Variants in HEATR4 observed in about 807,000 individuals in gnomAD.
The protein encoded by HEATR4 is HEAT repeat containing 4.
In HEATR4, 95 loss-of-function variants were observed where a neutral mutation model predicts 108.8. The observed-to-expected ratio is 0.87, with a 90% CI of 0.74 to 1.04. The LOEUF (loss-of-function observed/expected upper bound fraction) is 1.04, where lower values mean the gene tolerates loss of function less well. Among genes scored for constraint, HEATR4 ranks in the 50% least tolerant of loss-of-function variants. HEATR4 has a pLI of 0.00. For missense variants in HEATR4, 1,152 were observed against 1,253.8 expected, an observed-to-expected ratio of 0.92 and a Z score of 1.23; for synonymous variants, 443 against 459.4, an observed-to-expected ratio of 0.96 and a Z score of 0.46.
chr14:73,587,486 G>GA, the HEATR4 span, among the ~76,000 whole-genome samples: 1 of 151,980 alleles, frequency 6.6e-6, no homozygotes. Flanking sequence ...CCGGGACATT[G>GA]CTGGGACTAC....
In HEATR4 at chr14:73,520,832, CA is replaced by C. The variant is rs1159384411; in HGVS notation, c.1069+19del. ...CCCATGTCCCCGTGTGCCCCTACCA[CA>C]GGGGCCCAGCTCTATTACCAAAGTA... On this transcript the variant is annotated intron_variant, in intron 4 of 17. Transcript: ENST00000553558. 1 of 1,603,862 alleles carries C rather than the reference CA, an allele frequency of 6.2e-7. No individual in the cohort carries two copies. The highest frequency in any genetic ancestry group is 1.7e-5 in the Admixed American group (1 of 59,524).
chr14:73,535,556 C>T (rs1888840774), intron 1 of HEATR4, among the ~76,000 whole-genome samples: 1 of 91,534 alleles, frequency 1.1e-5, no homozygotes, highest in Non-Finnish European at 2.2e-5. Context: ...GCAAGCACTG[C>T]CTCCAGGGTT....
the HEATR4 span, among the ~76,000 whole-genome samples, chr14:73,598,217 CAA>C: frequency 1.3e-4 from 7 of 54,906 alleles, no homozygotes; most frequent in Admixed American, 2.6e-4. Context: ...ACTAAAAATA[CAA>C]AAAAAAAAAA....
At chr14:73,506,779 G>A (rs1463551370) in intron 9 of HEATR4, among the ~76,000 whole-genome samples, 2 of 137,542 alleles carry the variant, frequency 1.5e-5, no homozygotes, top group African/African-American at 2.7e-5. Context: ...CAGAAAACTG[G>A]GACCTTCCTT....
At position 73,504,391 on chromosome 14, in the gene HEATR4, T is replaced by C. The variant is rs1307897769; in HGVS notation, c.1987-1378A>G. Reference sequence around the variant, plus strand: ...CCGAGGAGCTGGGACTACAGGTGCCTGCCACCACACCCGCCTAATTTTTTT... The same window carrying C: ...CCGAGGAGCTGGGACTACAGGTGCCCGCCACCACACCCGCCTAATTTTTTT... On this transcript the variant is annotated intron_variant, in intron 10 of 17. Coordinates refer to ENST00000553558, the MANE Select transcript of HEATR4 (RefSeq NM_001220484.1). Among the ~76,000 whole-genome samples, 11 of 152,168 alleles carry C rather than the reference T, an allele frequency of 7.2e-5. No homozygotes were observed. The East Asian group carries it at 1.2e-3, about 16-fold the overall frequency.
chr14:73,572,554 G>A, the HEATR4 span, among the ~76,000 whole-genome samples: 1 of 150,428 alleles, frequency 6.6e-6, no homozygotes, highest in Non-Finnish European at 1.5e-5. Context: ...AGAGAGGAAA[G>A]GGCACAGGGG....
chr14:73,498,191 T>A lies in HEATR4; in HGVS notation c.2510A>T (p.Asp837Val). The change falls in exon 14 of 18, where the codon GAC (aspartate) becomes GTC (valine). Residue 837 changes from aspartate to valine, a missense_variant. Physicochemically the swap from Asp to Val is radical, Grantham distance 152. Transcript: ENST00000553558. The part of the protein sequence containing the change: ...QGDRVRDTFL[D>V]VLLLENHDAV... ...ATCGTGGTTCTCCAGGAGCAGCACGTCTAGGAAGGTGTCCCTGACCCGGTC... is the reference window on the plus strand; with the variant it reads ...ATCGTGGTTCTCCAGGAGCAGCACGACTAGGAAGGTGTCCCTGACCCGGTC... 1.9e-6 allele frequency: 3 copies of A among 1,613,788 alleles called. No homozygotes were observed. The South Asian group carries it at 3.3e-5, about 18-fold the overall frequency.
chr14:73,550,097 T>A (rs59653209), intron 1 of HEATR4, among the ~76,000 whole-genome samples: 5,303 of 107,854 alleles, frequency 0.049, 415 homozygotes, highest in African/African-American at 0.17. Flanking sequence ...CTCCAGAGTC[T>A]CATAGACCCT....
rs1046276951 is a variant in HEATR4 at position 73,491,516 on chromosome 14, G to A, written c.2844+1550C>T. On this transcript the variant is annotated intron_variant, in intron 17 of 17. Coordinates refer to ENST00000553558, the MANE Select transcript of HEATR4 (RefSeq NM_001220484.1). The stretch of plus-strand genomic sequence containing the variant: ...CCAGTCGTCCGGGGCCCCTGCGACG[G>A]CGTCGGGGCCGCAGGTGGATAACAC... The A allele has an allele frequency of 1.6e-5, 24 of 1,514,542 alleles. No homozygotes were observed. In the African/African-American group the frequency reaches 3.5e-4, roughly 22 times the overall value. 93.8% of individuals were successfully genotyped at this position (1,514,542 alleles called of 1,614,324 possible). A position where few individuals can be genotyped will look rare whatever the true frequency, so the allele number is the denominator to read the frequency against.
chr14:73,591,909 C>G, the HEATR4 span: 1 of 1,343,672 alleles, frequency 7.4e-7, no homozygotes, highest in Non-Finnish European at 9.6e-7. Context: ...TTGCCACGAT[C>G]TTGGACGGGT....
chr14:73,591,883 C>G, the HEATR4 span: 1 of 1,299,510 alleles, frequency 7.7e-7, no homozygotes, highest in Non-Finnish European at 9.9e-7. Flanking sequence ...GGACGCCGTC[C>G]GGACATTCGG....
At chr14:73,587,067 C>A in the HEATR4 span, among the ~76,000 whole-genome samples, 2 of 148,480 alleles carry the variant, frequency 1.3e-5, no homozygotes, top group African/African-American at 5.0e-5. Flanking sequence ...GATATTACCA[C>A]AAAATATTGA....
the HEATR4 span, among the ~76,000 whole-genome samples, chr14:73,632,697 A>C: frequency 6.6e-6 from 1 of 151,848 alleles, no homozygotes; most frequent in Admixed American, 6.6e-5. Flanking sequence ...TACAAAAATT[A>C]GCCAGATGCA....
upstream of HEATR4, among the ~76,000 whole-genome samples, chr14:73,559,571 A>G (rs542532623): frequency 6.6e-6 from 1 of 151,870 alleles, no homozygotes; most frequent in South Asian, 2.1e-4. Flanking sequence ...CTCTACTAAA[A>G]ATAGAAAATT....
At chr14:73,528,004 C>A (rs577714620) in intron 2 of HEATR4, among the ~76,000 whole-genome samples, 2 of 151,176 alleles carry the variant, frequency 1.3e-5, no homozygotes, top group African/African-American at 4.9e-5. Flanking sequence ...TTAGGATGTC[C>A]CCAGATAAAT....
At position 73,498,140 on chromosome 14, in the gene HEATR4, A is replaced by G; in HGVS notation, c.2546+15T>C. ...AGTATAAGGTCATGGTGGGAGCCAGAGGTTTAGTGCTTACTTTAGAACAGC... is the reference window on the plus strand; with the variant it reads ...AGTATAAGGTCATGGTGGGAGCCAGGGGTTTAGTGCTTACTTTAGAACAGC... On this transcript the variant is annotated intron_variant, in intron 14 of 17. Coordinates refer to ENST00000553558, the MANE Select transcript of HEATR4 (RefSeq NM_001220484.1). The G allele has an allele frequency of 1.3e-6, 2 of 1,592,502 alleles. No homozygotes were observed. Among genetic ancestry groups the G allele is most frequent in the East Asian group, 2.3e-5 (1 of 44,350 alleles).
chr14:73,504,387 T>C (rs1326103472), intron 10 of HEATR4, among the ~76,000 whole-genome samples: 1 of 151,884 alleles, frequency 6.6e-6, no homozygotes, highest in Admixed American at 6.6e-5. Flanking sequence ...GGACTACAGG[T>C]GCCTGCCACC....
Position 73,478,850 on chromosome 14 carries a change from G to A in HEATR4, c.2845-8C>T. 1 of 1,591,466 alleles carries A rather than the reference G, an allele frequency of 6.3e-7. No individual in the cohort carries two copies. Among genetic ancestry groups the A allele is most frequent in the Non-Finnish European group, 8.6e-7 (1 of 1,167,274 alleles). On this transcript the variant is annotated splice_region_variant and splice_polypyrimidine_tract_variant and intron_variant, in intron 17 of 17. Coordinates refer to ENST00000553558, the MANE Select transcript of HEATR4 (RefSeq NM_001220484.1). ...TGCGCGGGGCTTCACAGGCTGCAGA[G>A]AAACATGAAAACATGAGTGCATATG...
rs950365620 is a variant in HEATR4 at position 73,478,532 on chromosome 14, C to T, written c.*74G>A. 2.0e-5 allele frequency: 18 copies of T among 914,256 alleles called. No homozygotes were observed. The highest frequency in any genetic ancestry group is 2.8e-5 in the Non-Finnish European group (16 of 568,512). The allele number at this position is 914,256 out of a possible 1,614,324, so 56.6% of individuals were successfully genotyped here. A position where few individuals can be genotyped will look rare whatever the true frequency, so the allele number is the denominator to read the frequency against. Reference sequence around the variant, plus strand: ...TAAACATAGTGACAACAAGATTGTACAGTATCAATTAAAAAGACCCAATGT... The same window carrying T: ...TAAACATAGTGACAACAAGATTGTATAGTATCAATTAAAAAGACCCAATGT... On this transcript the variant is annotated 3_prime_UTR_variant, in exon 18 of 18. Coordinates refer to ENST00000553558, the MANE Select transcript of HEATR4 (RefSeq NM_001220484.1).
Sources: allele counts gnomAD v4.1 joint callset (sites outside exome capture counted in the v4.1 genomes callset), GRCh38; gene constraint gnomAD v4.1.1; transcripts MANE v1.5; gene names NCBI Gene and HGNC (gene_info 2026-07-23, HGNC 2026-07-21).